Variants in SAMD4A observed in about 807,000 individuals in gnomAD.
SAMD4A encodes protein Smaug homolog 1.
Under a neutral mutation model 81.3 loss-of-function variants are expected in SAMD4A, and 33 were observed. The observed-to-expected ratio is 0.41, with a 90% CI of 0.31 to 0.54. The LOEUF is 0.54. Among genes scored for constraint, SAMD4A ranks in the 20% least tolerant of loss-of-function variants. SAMD4A has a pLI of 0.37. For synonymous variants in SAMD4A, 389 were observed against 382.1 expected (o/e 1.02, Z -0.21); for missense variants, 854 against 951.1 (o/e 0.90, Z 1.34).
chr14:54,784,235 C>G (rs916571883), intron 11 of SAMD4A: 3 of 824,758 alleles, frequency 3.6e-6, no homozygotes, highest in Non-Finnish European at 6.1e-6. Flanking sequence ...TGGGCCAGGG[C>G]AGGAGGTTGG....
At chr14:54,684,298 G>A (rs1233769931) in intron 2 of SAMD4A, among the ~76,000 whole-genome samples, 3 of 152,226 alleles carry the variant, frequency 2.0e-5, no homozygotes, top group African/African-American at 7.2e-5. Context: ...AGGGGGAGCA[G>A]CTTACTTTCA....
intron 2 of SAMD4A, among the ~76,000 whole-genome samples, chr14:54,676,856 A>G (rs2036004682): frequency 6.6e-6 from 1 of 152,166 alleles, no homozygotes; most frequent in Non-Finnish European, 1.5e-5. Context: ...TTGGACTCCA[A>G]TTTCCAAAAC....
In SAMD4A at chr14:54,703,159, T is replaced by C. The variant is rs567392620; in HGVS notation, c.715+579T>C. On this transcript the variant is annotated intron_variant, in intron 3 of 12. Transcript: ENST00000554335. The stretch of plus-strand genomic sequence containing the variant: ...TGGGAGCAGGTTTGCTAACTGAGAA[T>C]GCTGCTGTGTGCTGTGGCCTGGTGA... 127 of 156,752 alleles carry C rather than the reference T, an allele frequency of 8.1e-4. 2 individuals are homozygous for C. The South Asian group carries it at 0.017, about 22-fold the overall frequency. 9.7% of individuals were successfully genotyped at this position (156,752 alleles called of 1,614,324 possible).
chr14:54,638,485 T>C (rs1055538337), intron 2 of SAMD4A, among the ~76,000 whole-genome samples: 7 of 152,190 alleles, frequency 4.6e-5, no homozygotes, highest in Non-Finnish European at 7.3e-5. Context: ...GATATTGTCA[T>C]CTTAAACAAA....
chr14:54,699,401 G>C (rs1403776543), intron 2 of SAMD4A, among the ~76,000 whole-genome samples: 1 of 152,142 alleles, frequency 6.6e-6, no homozygotes, highest in Non-Finnish European at 1.5e-5. Flanking sequence ...GAGGTCATCT[G>C]TGCCCTCCTG....
intron 3 of SAMD4A, among the ~76,000 whole-genome samples, chr14:54,725,397 A>G (rs192844493): frequency 0.01 from 1,580 of 152,352 alleles, 24 homozygotes; most frequent in Middle Eastern, 0.014. Context: ...GAATCAAAGA[A>G]AAAAGATTCT....
Position 54,605,572 on chromosome 14 carries a change from C to G in SAMD4A, c.196+37460C>G, listed in dbSNP as rs781745558. On this transcript the variant is annotated intron_variant, in intron 2 of 12. Coordinates refer to ENST00000554335, the MANE Select transcript of SAMD4A (RefSeq NM_015589.6). ...GGAAACCTCACAGGGATGAGAATAC[C>G]TAAACTGACAATTCTCAGGAGGCCC... 2.6e-5 allele frequency among the ~76,000 whole-genome samples: 4 copies of G among 152,114 alleles called. No individual in the cohort carries two copies. The East Asian group carries it at 7.7e-4, about 29-fold the overall frequency.
chr14:54,641,659 C>A (rs1016370072), intron 2 of SAMD4A, among the ~76,000 whole-genome samples: 1 of 152,196 alleles, frequency 6.6e-6, no homozygotes, highest in Non-Finnish European at 1.5e-5. Context: ...CATTAAGAGG[C>A]AAACCCAATA....
chr14:54,567,548 C>T lies in SAMD4A; in HGVS notation c.-369C>T. ...GTGAAGGGTCCGAGTTGCCGCCCAG[C>T]GGGGAGGAGACCCCAGGACGCCGGA... is the stretch of plus-strand genomic sequence containing the variant. On this transcript the variant is annotated 5_prime_UTR_variant, in exon 2 of 13. Transcript: ENST00000554335. The T allele has an allele frequency of 3.9e-6, 1 of 253,534 alleles. No homozygotes were observed. Among genetic ancestry groups the T allele is most frequent in the South Asian group, 4.4e-5 (1 of 22,750 alleles). The allele number at this position is 253,534 out of a possible 1,614,324, so 15.7% of individuals were successfully genotyped here.
rs772239733 is a variant in SAMD4A at position 54,776,460 on chromosome 14, G to A, written c.1964G>A (p.Arg655His). The change falls in exon 11 of 13, where the codon CGC becomes CAC. Residue 655 changes from arginine to histidine, a missense_variant. Arg to His is a conservative substitution (Grantham distance 29, BLOSUM62 0). This residue lies in a region of SAMD4A where 428 missense variants were observed against 471.2 expected (regional missense o/e 0.91). Transcript: ENST00000554335. ...GGGGGCAGCAATAGCATGCCAAGCC[G>A]CACCCACAGCTCAGTCCAGAGGACC... The part of the protein sequence containing the change: ...NPGGSNSMPS[R>H]THSSVQRTRS... 134 of 1,594,042 alleles carry A rather than the reference G, an allele frequency of 8.4e-5. No individual in the cohort carries two copies. Among genetic ancestry groups the A allele is most frequent in the East Asian group, 4.2e-4 (18 of 42,478 alleles).
chr14:54,616,708 T>G (rs553836546), intron 2 of SAMD4A, among the ~76,000 whole-genome samples: 5 of 152,388 alleles, frequency 3.3e-5, no homozygotes, highest in African/African-American at 1.2e-4. Flanking sequence ...TTCCATAGAA[T>G]TAAACTTATT....
At chr14:54,574,127 G>A (rs2140119355) in intron 2 of SAMD4A, among the ~76,000 whole-genome samples, 1 of 152,316 alleles carries the variant, frequency 6.6e-6, no homozygotes, top group Admixed American at 6.5e-5. Context: ...AAATACCCCA[G>A]CAGAGAGCCC....
Position 54,770,048 on chromosome 14 carries a change from TCTCC to T in SAMD4A, c.1597-52_1597-49del, listed in dbSNP as rs1372901303. On this transcript the variant is annotated intron_variant, in intron 8 of 12. Coordinates refer to ENST00000554335, the MANE Select transcript of SAMD4A (RefSeq NM_015589.6). ...GTTTTCCCCTTATTAATTGCATGTT[TCTCC>T]CTCTAATGCCAGGCTGCGTCACCCA... is the stretch of plus-strand genomic sequence containing the variant. 3 of 1,105,374 alleles carry T rather than the reference TCTCC, an allele frequency of 2.7e-6. No homozygotes were observed. In the Admixed American group the frequency reaches 5.4e-5, roughly 20 times the overall value. The allele number at this position is 1,105,374 out of a possible 1,614,324, so 68.5% of individuals were successfully genotyped here.
chr14:54,722,194 C>G (rs924116645), intron 3 of SAMD4A, among the ~76,000 whole-genome samples: 1 of 152,096 alleles, frequency 6.6e-6, no homozygotes, highest in African/African-American at 2.4e-5. Context: ...TCCCTCTGAC[C>G]AGTTAGGCAA....
intron 2 of SAMD4A, among the ~76,000 whole-genome samples, chr14:54,575,759 T>C (rs1566528159): frequency 6.6e-6 from 1 of 152,222 alleles, no homozygotes; most frequent in African/African-American, 2.4e-5. Context: ...ACTGAAATAC[T>C]GACGCTTTTT....
chr14:54,789,188 G>A lies in SAMD4A; in HGVS notation c.*244G>A. 1 of 541,494 alleles carries A rather than the reference G, an allele frequency of 1.8e-6. No individual in the cohort carries two copies. The highest frequency in any genetic ancestry group is 2.1e-5 in the South Asian group (1 of 47,818). 33.5% of individuals were successfully genotyped at this position (541,494 alleles called of 1,614,324 possible). ...TGGTTTGGTGTGTGGGGTGGGGAGG[G>A]GTCTCTAGGGAATTATGAGACTGGG... On this transcript the variant is annotated 3_prime_UTR_variant, in exon 13 of 13. Transcript: ENST00000554335.
intron 2 of SAMD4A, among the ~76,000 whole-genome samples, chr14:54,667,233 T>A (rs1212188046): frequency 3.3e-5 from 5 of 152,240 alleles, no homozygotes; most frequent in Middle Eastern, 3.4e-3. Context: ...CAAGACAAAG[T>A]CGTTAGCTCA....
At chr14:54,723,621 C>A (rs993529317) in intron 3 of SAMD4A, among the ~76,000 whole-genome samples, 8 of 152,234 alleles carry the variant, frequency 5.3e-5, no homozygotes, top group African/African-American at 4.8e-5. Context: ...TCTTCACCTT[C>A]ATGGAAAGTG....
chr14:54,733,464 C>T (rs557301103), intron 3 of SAMD4A, among the ~76,000 whole-genome samples: 110 of 152,170 alleles, frequency 7.2e-4, no homozygotes, highest in South Asian at 2.1e-3. Flanking sequence ...CAATTTTGTT[C>T]CCCTGAGTAA....
Sources: gnomAD v4.1 joint callset for allele counts (sites outside exome capture counted in the v4.1 genomes callset) on GRCh38, gnomAD v4.1.1 for gene constraint, gnomAD v4.1.1 regional missense constraint, MANE v1.5 for transcripts, NCBI Gene and HGNC (gene_info 2026-07-23, HGNC 2026-07-21) for gene names.